EDIL3: variants seen among roughly 807,000 people sequenced by gnomAD.
The protein encoded by EDIL3 is EGF like and discoidin domains 3.
A neutral mutation model predicts 67.4 loss-of-function variants in EDIL3; 37 were observed. The ratio of observed to expected loss-of-function variants is 0.55; its 90% CI spans 0.42 to 0.72. The LOEUF is 0.72. Among genes scored for constraint, EDIL3 ranks in the 30% least tolerant of loss-of-function variants. EDIL3 has a pLI of 0.00. For synonymous variants in EDIL3, 195 were observed against 196.3 expected, an observed-to-expected ratio of 0.99 and a Z score of 0.05; for missense variants, 527 against 586.3, an observed-to-expected ratio of 0.90 and a Z score of 1.04.
chr5:84,271,370 C>A (rs1745469795), intron 1 of EDIL3, among the ~76,000 whole-genome samples: 2 of 151,170 alleles, frequency 1.3e-5, no homozygotes, highest in South Asian at 2.1e-4. Flanking sequence ...GCCGAGATTG[C>A]GCCACTGCAC....
chr5:83,971,786 G>T (rs1744798411), intron 9 of EDIL3, among the ~76,000 whole-genome samples: 1 of 151,998 alleles, frequency 6.6e-6, no homozygotes, highest in African/African-American at 2.4e-5. Context: ...GCAGTTGCAA[G>T]AATTTCTTAG....
intron 1 of EDIL3, among the ~76,000 whole-genome samples, chr5:84,340,502 TA>T (rs1747081607): frequency 2.2e-5 from 1 of 45,204 alleles, no homozygotes; most frequent in Non-Finnish European, 4.1e-5. Flanking sequence ...AAGGGAAGAT[TA>T]CTCTCTCTCT....
At chr5:84,337,202 C>T (rs1425196830) in intron 1 of EDIL3, among the ~76,000 whole-genome samples, 1 of 152,138 alleles carries the variant, frequency 6.6e-6, no homozygotes, top group Non-Finnish European at 1.5e-5. Context: ...AGAACTTTGT[C>T]TCCTTAAAGG....
At chr5:84,195,821 T>C (rs1045841580) in intron 3 of EDIL3, among the ~76,000 whole-genome samples, 23 of 152,132 alleles carry the variant, frequency 1.5e-4, no homozygotes, top group Admixed American at 1.3e-3. Flanking sequence ...AAAAGAATTT[T>C]GAAGAAGATT....
At chr5:84,083,869 C>G (rs533823466) in intron 6 of EDIL3, among the ~76,000 whole-genome samples, 2 of 152,266 alleles carry the variant, frequency 1.3e-5, no homozygotes, top group Admixed American at 1.3e-4. Flanking sequence ...TTAAAATTAA[C>G]TTCATTCGAA....
chr5:84,274,868 T>C (rs1745545474), intron 1 of EDIL3, among the ~76,000 whole-genome samples: 1 of 152,052 alleles, frequency 6.6e-6, no homozygotes, highest in African/African-American at 2.4e-5. Flanking sequence ...AAAGAATTCA[T>C]TGCATTTTAT....
At position 84,199,823 on chromosome 5, in the gene EDIL3, G is replaced by A. The variant is rs745850713; in HGVS notation, c.227-19302C>T. On this transcript the variant is annotated intron_variant, in intron 3 of 10. Transcript: ENST00000296591. ...CTTCCATGTATCACAACTCAGCTGCGTTTAAAGCTCCATCAGCAGTGGTAT... is the reference window on the plus strand; with the variant it reads ...CTTCCATGTATCACAACTCAGCTGCATTTAAAGCTCCATCAGCAGTGGTAT... Among the ~76,000 whole-genome samples, 21 of 151,976 alleles carry A rather than the reference G, an allele frequency of 1.4e-4. 1 individual carries two copies. The highest frequency in any genetic ancestry group is 7.8e-4 in the East Asian group (4 of 5,158).
At chr5:84,040,033 A>G (rs1746090694) in intron 9 of EDIL3, among the ~76,000 whole-genome samples, 1 of 152,170 alleles carries the variant, frequency 6.6e-6, no homozygotes, top group Non-Finnish European at 1.5e-5. Context: ...ACAACCCTAT[A>G]AAATAGGTAC....
At chr5:84,371,341 A>ATATATATATATCTGTGTG (rs1008172581) in intron 1 of EDIL3, among the ~76,000 whole-genome samples, 1 of 129,694 alleles carries the variant, frequency 7.7e-6, no homozygotes, top group African/African-American at 2.7e-5. Context: ...ATATATATAT[A>ATATATATATATCTGTGTG]TGTGTGTGTG....
At chr5:84,284,165 T>G (rs1190437132) in intron 1 of EDIL3, among the ~76,000 whole-genome samples, 1 of 152,180 alleles carries the variant, frequency 6.6e-6, no homozygotes, top group East Asian at 1.9e-4. Flanking sequence ...ATTTGTCACA[T>G]TCATTAGCCA....
At chr5:84,254,458 G>C (rs894614367) in intron 1 of EDIL3, among the ~76,000 whole-genome samples, 1 of 152,142 alleles carries the variant, frequency 6.6e-6, no homozygotes, top group African/African-American at 2.4e-5. Flanking sequence ...TCAGTTTGGA[G>C]TTCCTTCATA....
chr5:84,269,254 T>C lies in EDIL3; in HGVS notation c.68-15042A>G, dbSNP rs558503434. Among the ~76,000 whole-genome samples, 12 of 152,256 alleles carry C rather than the reference T, an allele frequency of 7.9e-5. No individual in the cohort carries two copies. The South Asian group carries it at 2.3e-3, about 29-fold the overall frequency. On this transcript the variant is annotated intron_variant, in intron 1 of 10. Transcript: ENST00000296591. ...TCAGCAAATATATGGTATTCAAAAA[T>C]ATGAATATGTCAAAATTTATATGTA...
chr5:84,048,325 T>C (rs1285730370), intron 9 of EDIL3: 9 of 410,446 alleles, frequency 2.2e-5, no homozygotes, highest in South Asian at 1.2e-4. Context: ...AATGAAGTTA[T>C]AAATTTTATG....
intron 4 of EDIL3, among the ~76,000 whole-genome samples, chr5:84,151,264 T>TACAC (rs201338208): frequency 0.01 from 1,353 of 129,542 alleles, 16 homozygotes; most frequent in African/African-American, 0.028. Flanking sequence ...CACACGCACA[T>TACAC]ACACACACAC....
intron 9 of EDIL3, among the ~76,000 whole-genome samples, chr5:84,056,855 T>C (rs1746457742): frequency 6.6e-6 from 1 of 152,098 alleles, no homozygotes; most frequent in African/African-American, 2.4e-5. Flanking sequence ...AGGATAAAAA[T>C]TGACCTCTAT....
rs146028448 is a variant in EDIL3 at position 84,259,087 on chromosome 5, G to C, written c.68-4875C>G. ...CTATTCTCCTGTCTCAGCCTCCAGA[G>C]TGGCTGGGACTACAGTCGCCCGCCA... On this transcript the variant is annotated intron_variant, in intron 1 of 10. Coordinates refer to ENST00000296591, the MANE Select transcript of EDIL3 (RefSeq NM_005711.5). Among the ~76,000 whole-genome samples the C allele has an allele frequency of 5.1e-3, 755 of 149,348 alleles. 4 individuals are homozygous for C. The highest frequency in any genetic ancestry group is 0.017 in the African/African-American group (682 of 40,580).
Position 83,941,272 on chromosome 5 carries a change from G to A in EDIL3, c.*2147C>T, listed in dbSNP as rs933389987. The A allele has an allele frequency of 6.6e-6, 1 of 151,952 alleles. No homozygotes were observed. Among genetic ancestry groups the A allele is most frequent in the African/African-American group, 2.4e-5 (1 of 41,440 alleles). The allele number at this position is 151,952 out of a possible 1,614,324, so 9.4% of individuals were successfully genotyped here. ...AGAGCATATAAAGCAGAGGGAAAAT[G>A]AAAAAGCAAGAGAAACTCATTTCAA... On this transcript the variant is annotated 3_prime_UTR_variant, in exon 11 of 11. Coordinates refer to ENST00000296591, the MANE Select transcript of EDIL3 (RefSeq NM_005711.5).
chr5:84,226,944 GAAAAGTACAC>G lies in EDIL3; in HGVS notation c.226+2901_226+2910del, dbSNP rs1488316306. On this transcript the variant is annotated intron_variant, in intron 3 of 10. Coordinates refer to ENST00000296591, the MANE Select transcript of EDIL3 (RefSeq NM_005711.5). ...AGTTATGAAAATAGATTTAGAATAAGAAAAGTACACAAGTAGCTATATTATACTTAAATAT... is the reference window on the plus strand; with the variant it reads ...AGTTATGAAAATAGATTTAGAATAAGAAGTAGCTATATTATACTTAAATAT... Among the ~76,000 whole-genome samples the G allele has an allele frequency of 3.9e-5, 6 of 151,912 alleles. No individual in the cohort carries two copies. In the East Asian group the frequency reaches 1.2e-3, roughly 29 times the overall value.
chr5:83,990,168 G>T (rs879266264), intron 9 of EDIL3, among the ~76,000 whole-genome samples: 3 of 152,064 alleles, frequency 2.0e-5, no homozygotes, highest in Non-Finnish European at 4.4e-5. Context: ...CTTTTAATTT[G>T]TAATAATTTG....
Sources: gnomAD v4.1 joint callset for allele counts (sites outside exome capture counted in the v4.1 genomes callset) on GRCh38, gnomAD v4.1.1 for gene constraint, MANE v1.5 for transcripts, NCBI Gene and HGNC (gene_info 2026-07-23, HGNC 2026-07-21) for gene names.